Variants in TLR5 observed in about 807,000 individuals in gnomAD.
TLR5 encodes toll like receptor 5.
For missense variants in TLR5, 944 were observed against 999.8 expected (o/e 0.94, Z 0.75); for synonymous variants, 373 against 384.4 (o/e 0.97, Z 0.35).
chr1:223,110,760 C>T lies in TLR5; in HGVS notation c.2272G>A (p.Val758Met). The T allele has an allele frequency of 6.2e-7, 1 of 1,614,220 alleles. No homozygotes were observed. The highest frequency in any genetic ancestry group is 8.5e-7 in the Non-Finnish European group (1 of 1,180,038). ...CCATCTCTAAGGAAGTGTCTGCTCA[C>T]AAGACAAACGATCTTTCTACTGTTC... ...IWNSRKIVCL[V>M]SRHFLRDGWC... The change falls in exon 6 of 6, where the codon GTG becomes ATG. Residue 758 changes from valine (V) to methionine (M), a missense_variant. Physicochemically the swap from Val to Met is conservative, Grantham distance 21 (BLOSUM62 1). Coordinates refer to ENST00000642603, the MANE Select transcript of TLR5 (RefSeq NM_003268.6).
chr1:223,119,316 T>C (rs1353025936), intron 5 of TLR5, among the ~76,000 whole-genome samples: 1 of 152,150 alleles, frequency 6.6e-6, no homozygotes, highest in African/African-American at 2.4e-5. Flanking sequence ...TTGTGTTACA[T>C]GCTAACAAAA....
rs1324328532 is a variant in TLR5 at position 223,134,402 on chromosome 1, G to C, written c.-170+280C>G. 4.6e-5 allele frequency: 7 copies of C among 152,230 alleles called. No individual in the cohort carries two copies. The East Asian group carries it at 7.7e-4, about 17-fold the overall frequency. The allele number at this position is 152,230 out of a possible 1,614,324, so 9.4% of individuals were successfully genotyped here. ...AGCATGAGTTACCGGAAAGCTTCCT[G>C]TGTTTTCTTTACTATCTTTAGGTGG... On this transcript the variant is annotated intron_variant, in intron 4 of 5. Coordinates refer to ENST00000642603, the MANE Select transcript of TLR5 (RefSeq NM_003268.6).
Position 223,111,425 on chromosome 1 carries a change from T to A in TLR5, c.1607A>T (p.Asn536Ile). The A allele has an allele frequency of 1.9e-6, 3 of 1,614,216 alleles. No individual in the cohort carries two copies. Among genetic ancestry groups the A allele is most frequent in the Non-Finnish European group, 2.5e-6 (3 of 1,180,028 alleles). Reference protein sequence around the residue: ...TALRGLSLNSNRLTVLSHNDL... With the variant: ...TALRGLSLNSIRLTVLSHNDL... Reference sequence around the variant, plus strand: ...ATTGTGAGAAAGAACTGTCAGCCTGTTGGAGTTGAGGCTTAGTCCCCTTAA... The same window carrying A: ...ATTGTGAGAAAGAACTGTCAGCCTGATGGAGTTGAGGCTTAGTCCCCTTAA... The change falls in exon 6 of 6, where the codon AAC (asparagine) becomes ATC (isoleucine). Residue 536 changes from asparagine (N) to isoleucine (I), a missense_variant. Coordinates refer to ENST00000642603, the MANE Select transcript of TLR5 (RefSeq NM_003268.6).
chr1:223,111,016 C>T lies in TLR5; in HGVS notation c.2016G>A (p.Lys672=). The T allele has an allele frequency of 6.2e-7, 1 of 1,614,154 alleles. No homozygotes were observed. The highest frequency in any genetic ancestry group is 2.2e-5 in the East Asian group (1 of 44,880). ...KFRGFCFICY[K]TAQRLVFKDH... ...CCTTGAACACCAGTCTCTGGGCTGT[C>T]TTATAACAGATAAAACAGAAGCCCC... Residue 672 remains lysine, a synonymous_variant, in exon 6 of 6, where the codon AAG becomes AAA. Transcript: ENST00000642603.
rs181374370 is a variant in TLR5, at chr1:223,113,830, A to C, written c.-4-795T>G. 2.4e-3 allele frequency among the ~76,000 whole-genome samples: 367 copies of C among 152,252 alleles called. 3 individuals carry two copies. The Middle Eastern group carries it at 0.031, about 13-fold the overall frequency. On this transcript the variant is annotated intron_variant, in intron 5 of 5. Transcript: ENST00000642603. ...TTGTTTATTCATTCATGATTTGCTG[A>C]GGGGAGGTGGAGAAAACAGCAGGAA...
intron 5 of TLR5, among the ~76,000 whole-genome samples, chr1:223,117,271 G>A (rs537910843): frequency 5.4e-4 from 82 of 152,130 alleles, no homozygotes; most frequent in Admixed American, 4.8e-3. Flanking sequence ...CCCAGAATTC[G>A]CGCTGGCCCG....
Position 223,112,309 on chromosome 1 carries a change from G to A in TLR5, c.723C>T (p.Asp241=), listed in dbSNP as rs1171064763. ...TGGCATTGCTAAAGTTTCCTGTGATGTCCACTGTCCAGCCATTTCCAGAAA... is the reference window on the plus strand; with the variant it reads ...TGGCATTGCTAAAGTTTCCTGTGATATCCACTGTCCAGCCATTTCCAGAAA... ...LDVSGNGWTV[D]ITGNFSNAIS... Residue 241 remains aspartate (D), a synonymous_variant, in exon 6 of 6, where the codon GAC becomes GAT. Coordinates refer to ENST00000642603, the MANE Select transcript of TLR5 (RefSeq NM_003268.6). 5 of 1,614,210 alleles carry A rather than the reference G, an allele frequency of 3.1e-6. No homozygotes were observed. The South Asian group carries it at 5.5e-5, about 18-fold the overall frequency.
At chr1:223,123,400 C>T (rs564987038) in intron 5 of TLR5, 8 of 152,210 alleles carry the variant, frequency 5.3e-5, no homozygotes, top group African/African-American at 1.9e-4. Flanking sequence ...TTTTCAAGTA[C>T]CTAATAGGGA....
intron 5 of TLR5, chr1:223,129,390 C>G (rs1657308313): frequency 6.6e-6 from 1 of 152,436 alleles, no homozygotes; most frequent in Non-Finnish European, 1.5e-5. Context: ...CCCTAGCCCA[C>G]CAGGCCCTGG....
Position 223,131,832 on chromosome 1 carries a change from C to T in TLR5, c.-5+643G>A, listed in dbSNP as rs750326814. On this transcript the variant is annotated intron_variant, in intron 5 of 5. Coordinates refer to ENST00000642603, the MANE Select transcript of TLR5 (RefSeq NM_003268.6). The surrounding 1 kb of genome is among the most constrained non-coding windows in gnomAD (Gnocchi z 4.2). ...CTGGGATCCAGCGATCCACCTGCCT[C>T]GGCCTCCCAAAGTGTTGGGATTCCA... Among the ~76,000 whole-genome samples the T allele has an allele frequency of 4.6e-5, 7 of 152,056 alleles. No homozygotes were observed. The highest frequency in any genetic ancestry group is 7.4e-5 in the Non-Finnish European group (5 of 68,012).
In TLR5 at chr1:223,112,600, T is replaced by A. The variant is rs1278607232; in HGVS notation, c.432A>T (p.Leu144Phe). The A allele has an allele frequency of 1.9e-6, 3 of 1,614,132 alleles. No homozygotes were observed. Among genetic ancestry groups the A allele is most frequent in the Non-Finnish European group, 1.7e-6 (2 of 1,180,052 alleles). ...AVLKDGYFRN[L>F]KALTRLDLSK... is the part of the protein sequence containing the mutation. ...ATAGATCCAAGCGAGTTAAAGCCTTTAAATTTCTGAAATAACCATCTTTCA... is the reference window on the plus strand; with the variant it reads ...ATAGATCCAAGCGAGTTAAAGCCTTAAAATTTCTGAAATAACCATCTTTCA... The change falls in exon 6 of 6, where the codon TTA (leucine) becomes TTT (phenylalanine). Residue 144 changes from leucine to phenylalanine, a missense_variant. Coordinates refer to ENST00000642603, the MANE Select transcript of TLR5 (RefSeq NM_003268.6).
intron 5 of TLR5, chr1:223,123,798 A>G (rs567527349): frequency 5.0e-4 from 76 of 152,384 alleles, no homozygotes; most frequent in Admixed American, 1.3e-3. Flanking sequence ...TCCAGACCCA[A>G]TCAAACCTCA....
At chr1:223,124,424 C>G (rs1047235264) in intron 5 of TLR5, among the ~76,000 whole-genome samples, 1 of 133,294 alleles carries the variant, frequency 7.5e-6, no homozygotes, top group Non-Finnish European at 1.6e-5. Flanking sequence ...GCCTGGGCGA[C>G]AAGAGCAAGA....
chr1:223,128,596 C>T (rs889549787), intron 5 of TLR5: 5 of 152,186 alleles, frequency 3.3e-5, no homozygotes, highest in Admixed American at 2.6e-4. Context: ...TGTTTCACAC[C>T]GACTTCCCAG....
At chr1:223,115,089 C>T (rs1203415362) in intron 5 of TLR5, among the ~76,000 whole-genome samples, 1 of 152,182 alleles carries the variant, frequency 6.6e-6, no homozygotes, top group South Asian at 2.1e-4. Flanking sequence ...CCTCTTTGTA[C>T]AGGGCCCTTC....
chr1:223,136,157 A>C (rs1346864660), intron 3 of TLR5, among the ~76,000 whole-genome samples: 2 of 152,174 alleles, frequency 1.3e-5, no homozygotes, highest in African/African-American at 4.8e-5. Flanking sequence ...GCTTCTAGAA[A>C]CAGGAAGACA....
chr1:223,111,886 G>A lies in TLR5; in HGVS notation c.1146C>T (p.Phe382=). 6.2e-7 allele frequency: 1 copy of A among 1,613,922 alleles called. No homozygotes were observed. Among genetic ancestry groups the A allele is most frequent in the Non-Finnish European group, 8.5e-7 (1 of 1,179,944 alleles). Residue 382 remains phenylalanine (F), a synonymous_variant, in exon 6 of 6, where the codon TTC becomes TTT. Transcript: ENST00000642603. ...IAIIQDQTFK[F]LEKLQTLDLR... The stretch of plus-strand genomic sequence containing the variant: ...GATCCAAGGTCTGTAATTTTTCCAG[G>A]AATTTGAATGTTTGGTCTTGAATTA...
At chr1:223,133,826 T>C (rs1657491297) in intron 4 of TLR5, among the ~76,000 whole-genome samples, 2 of 152,116 alleles carry the variant, frequency 1.3e-5, no homozygotes. Context: ...GGAGATGCGC[T>C]TTCCCTAGAG....
intron 5 of TLR5, among the ~76,000 whole-genome samples, chr1:223,123,307 T>C (rs369086063): frequency 1.3e-5 from 2 of 152,272 alleles, no homozygotes; most frequent in East Asian, 3.9e-4. Flanking sequence ...TTCCCAAACA[T>C]GCCACCAAAC....
Sources: allele counts gnomAD v4.1 joint callset (sites outside exome capture counted in the v4.1 genomes callset), GRCh38; gene constraint gnomAD v4.1.1; non-coding constraint Gnocchi (gnomAD v3.1); transcripts MANE v1.5; gene names NCBI Gene and HGNC (gene_info 2026-07-23, HGNC 2026-07-21).